The following TET3 variants were observed in gnomAD, a reference collection of about 807,000 sequenced individuals.
TET3 encodes tet methylcytosine dioxygenase 3, also known as methylcytosine dioxygenase TET3.
In TET3, 19 loss-of-function variants were observed where a neutral mutation model predicts 141.4. The observed-to-expected ratio is 0.13, with a 90% confidence interval of 0.09 to 0.20. The LOEUF (loss-of-function observed/expected upper bound fraction) is 0.20, where lower values mean the gene tolerates loss of function less well. TET3 is among the 10% of genes least tolerant of loss of function. TET3 has a pLI of 1.00. For synonymous variants in TET3, 1,043 were observed against 980.9 expected (o/e 1.06, Z -1.18); for missense variants, 1,874 against 2,356.9 (o/e 0.80, Z 4.24).
At position 74,047,577 on chromosome 2, in the gene TET3, C is replaced by T; in HGVS notation, c.1660C>T (p.Pro554Ser). 1.2e-6 allele frequency: 2 copies of T among 1,613,960 alleles called. No individual in the cohort carries two copies. Among genetic ancestry groups the T allele is most frequent in the Non-Finnish European group, 1.7e-6 (2 of 1,179,878 alleles). ...CACCTCCTTCCCTGCTCCTTCAGAG[C>T]CTTCTGCTCCTGGCTGGTGGCCCCC... ...HDTSFPAPSE[P>S]SAPGWWPPPS... The change falls in exon 4 of 12, where the codon CCT (proline) becomes TCT (serine). Residue 554 changes from proline (P) to serine (S), a missense_variant. Pro to Ser is a moderately conservative substitution (Grantham distance 74, BLOSUM62 -1). Coordinates refer to ENST00000409262, the MANE Select transcript of TET3 (RefSeq NM_001287491.2).
chr2:74,058,325 T>C (rs1182939752), intron 4 of TET3, among the ~76,000 whole-genome samples: 1 of 152,172 alleles, frequency 6.6e-6, no homozygotes, highest in South Asian at 2.1e-4. Flanking sequence ...CTGGTGGGAA[T>C]CTTGGGAACA....
chr2:74,085,379 C>T (rs374622067), intron 6 of TET3, among the ~76,000 whole-genome samples: 1 of 152,230 alleles, frequency 6.6e-6, no homozygotes, highest in Non-Finnish European at 1.5e-5. Flanking sequence ...ATCCGGCCCA[C>T]CTTCCTCATT....
chr2:73,992,264 C>T lies in TET3; in HGVS notation c.303+5558C>T, dbSNP rs542777832. ...TGAGTCATTCACTTCCTACTGAACA[C>T]CTGCAGATGTGATTGCAAAATCACA... is the stretch of plus-strand genomic sequence containing the variant. On this transcript the variant is annotated intron_variant, in intron 2 of 11. Coordinates refer to ENST00000409262, the MANE Select transcript of TET3 (RefSeq NM_001287491.2). Among the ~76,000 whole-genome samples, 13 of 147,190 alleles carry T rather than the reference C, an allele frequency of 8.8e-5. No homozygotes were observed. In the South Asian group the frequency reaches 2.5e-3, roughly 29 times the overall value.
chr2:74,116,840 C>T, the TET3 span, among the ~76,000 whole-genome samples: 110 of 152,132 alleles, frequency 7.2e-4, no homozygotes, highest in Middle Eastern at 3.4e-3. Context: ...ACTTTGGGTG[C>T]GGCTAGGGGA....
intron 4 of TET3, among the ~76,000 whole-genome samples, chr2:74,052,841 G>A (rs1217079636): frequency 6.6e-6 from 1 of 152,174 alleles, no homozygotes; most frequent in African/African-American, 2.4e-5. Flanking sequence ...CTGCACTCCA[G>A]CCTGGGCGAA....
At chr2:74,012,043 C>T (rs962040925) in intron 3 of TET3, among the ~76,000 whole-genome samples, 1 of 152,214 alleles carries the variant, frequency 6.6e-6, no homozygotes, top group Non-Finnish European at 1.5e-5. Context: ...TCACTGCAGC[C>T]TCCACTTCCC....
chr2:74,122,280 C>T, the TET3 span: 1 of 151,656 alleles, frequency 6.6e-6, no homozygotes, highest in Non-Finnish European at 1.5e-5. Context: ...TGAAGGCAGG[C>T]TCACACAATC....
At chr2:74,084,014 T>A (rs1689975534) in intron 6 of TET3, among the ~76,000 whole-genome samples, 1 of 152,170 alleles carries the variant, frequency 6.6e-6, no homozygotes, top group African/African-American at 2.4e-5. Flanking sequence ...AGCCAGGCAA[T>A]CACGTAGAGA....
At chr2:74,120,214 C>G in the TET3 span, among the ~76,000 whole-genome samples, 24 of 152,228 alleles carry the variant, frequency 1.6e-4, no homozygotes, top group African/African-American at 5.8e-4. Flanking sequence ...CCGGCTCCCC[C>G]GCCCGCCCAA....
At chr2:74,108,243 T>C (rs1436610988), downstream of TET3, 1 of 153,806 alleles carries the variant, frequency 6.5e-6, no homozygotes, top group Non-Finnish European at 1.5e-5. Context: ...AGGTACCCTG[T>C]AACCTCACCC....
rs1691413887 is a variant in TET3, at chr2:74,104,862, A to G, written c.*2686A>G. On this transcript the variant is annotated 3_prime_UTR_variant, in exon 12 of 12. Transcript: ENST00000409262. Reference sequence around the variant, plus strand: ...GCTGCTGAGAGGTGAGTCAAGAGGCAGTCTCCATTGGATGTCCCCACTCCC... The same window carrying G: ...GCTGCTGAGAGGTGAGTCAAGAGGCGGTCTCCATTGGATGTCCCCACTCCC... 3.7e-6 allele frequency: 1 copy of G among 273,144 alleles called. No homozygotes were observed. Among genetic ancestry groups the G allele is most frequent in the Non-Finnish European group, 6.8e-6 (1 of 147,980 alleles). The allele number at this position is 273,144 out of a possible 1,614,324, so 16.9% of individuals were successfully genotyped here.
At chr2:74,082,157 G>C (rs554004806) in intron 6 of TET3, among the ~76,000 whole-genome samples, 1 of 152,218 alleles carries the variant, frequency 6.6e-6, no homozygotes, top group African/African-American at 2.4e-5. Flanking sequence ...CTTCAAGACA[G>C]TTGGCCCCTT....
Position 73,985,278 on chromosome 2 carries a change from G to GTGCGGGGGGCCGGACTGGGGTGC in TET3, c.-425+129_-425+151dup, listed in dbSNP as rs1398944619. ...GATCCGGCGGGGGGCCGCTCCTCCG[G>GTGCGGGGGGCCGGACTGGGGTGC]TGCGGGGGGCCGGACTGGGGTGCTG... On this transcript the variant is annotated intron_variant, in intron 1 of 11. Transcript: ENST00000409262. 237 of 142,036 alleles carry GTGCGGGGGGCCGGACTGGGGTGC rather than the reference G, an allele frequency of 1.7e-3. 1 individual carries two copies. Among genetic ancestry groups the GTGCGGGGGGCCGGACTGGGGTGC allele is most frequent in the Non-Finnish European group, 3.0e-3 (193 of 63,742 alleles). 8.8% of individuals were successfully genotyped at this position (142,036 alleles called of 1,614,324 possible). A position where few individuals can be genotyped will look rare whatever the true frequency, so the allele number is the denominator to read the frequency against.
In TET3 at chr2:74,093,457, G is replaced by C. The variant is rs2104127747; in HGVS notation, c.3130-72G>C. On this transcript the variant is annotated intron_variant, in intron 9 of 11. Transcript: ENST00000409262. The surrounding 1 kb of genome is among the most constrained non-coding windows in gnomAD (Gnocchi z 4.2). Reference sequence around the variant, plus strand: ...TTAACATCCCTCCTTCCAAGACCTGGCCTCCCCAGGTGCAGAATCGGGGCC... The same window carrying C: ...TTAACATCCCTCCTTCCAAGACCTGCCCTCCCCAGGTGCAGAATCGGGGCC... The C allele has an allele frequency of 3.4e-6, 5 of 1,482,412 alleles. No homozygotes were observed. The East Asian group carries it at 1.2e-4, about 36-fold the overall frequency. 91.8% of individuals were successfully genotyped at this position (1,482,412 alleles called of 1,614,324 possible).
the TET3 span, among the ~76,000 whole-genome samples, chr2:74,123,468 A>C: frequency 6.6e-6 from 1 of 152,162 alleles, no homozygotes; most frequent in Non-Finnish European, 1.5e-5. Flanking sequence ...AATACAAAAA[A>C]CTGGACCCGG....
In TET3 at chr2:74,090,805, A is replaced by G. The variant is rs548516452; in HGVS notation, c.3039+758A>G. Reference sequence around the variant, plus strand: ...CGGTCTCCACTCAGCTCCAAATGCAAGGAAGGCACAAGCCTATCCAGGTTG... The same window carrying G: ...CGGTCTCCACTCAGCTCCAAATGCAGGGAAGGCACAAGCCTATCCAGGTTG... On this transcript the variant is annotated intron_variant, in intron 8 of 11. Coordinates refer to ENST00000409262, the MANE Select transcript of TET3 (RefSeq NM_001287491.2). Among the ~76,000 whole-genome samples the G allele has an allele frequency of 9.8e-5, 15 of 152,332 alleles. No homozygotes were observed. The East Asian group carries it at 2.9e-3, about 29-fold the overall frequency.
At chr2:74,007,154 G>C (rs1230429110) in intron 3 of TET3, among the ~76,000 whole-genome samples, 1 of 152,212 alleles carries the variant, frequency 6.6e-6, no homozygotes, top group Non-Finnish European at 1.5e-5. Flanking sequence ...TCTTGAGTGG[G>C]AAAGCCAGCA....
chr2:74,084,251 C>T (rs1387271074), intron 6 of TET3, among the ~76,000 whole-genome samples: 1 of 152,198 alleles, frequency 6.6e-6, no homozygotes, highest in Non-Finnish European at 1.5e-5. Context: ...TAGGACATTA[C>T]ATTAAGTGAA....
chr2:74,060,855 C>G (rs967256318), intron 4 of TET3, among the ~76,000 whole-genome samples: 1 of 152,232 alleles, frequency 6.6e-6, no homozygotes, highest in African/African-American at 2.4e-5. Flanking sequence ...GGTCACAGAT[C>G]AACAGGATAA....
Sources: allele counts gnomAD v4.1 joint callset (sites outside exome capture counted in the v4.1 genomes callset), GRCh38; gene constraint gnomAD v4.1.1; non-coding constraint Gnocchi (gnomAD v3.1); transcripts MANE v1.5; gene names NCBI Gene and HGNC (gene_info 2026-07-23, HGNC 2026-07-21).